PLCB1: variants seen among roughly 807,000 people sequenced by gnomAD.
PLCB1 encodes phospholipase C beta 1.
In PLCB1, 46 loss-of-function variants were observed where a neutral mutation model predicts 161.8. That is an observed-to-expected ratio of 0.28 (90% CI 0.22 to 0.36). The LOEUF is 0.36. PLCB1 is among the 10% of genes least tolerant of loss of function. The pLI is 1.00. For synonymous variants in PLCB1, 517 were observed against 503.7 expected, an observed-to-expected ratio of 1.03 and a Z score of -0.35; for missense variants, 1,016 against 1,472.5, an observed-to-expected ratio of 0.69 and a Z score of 5.07.
At chr20:8,181,248 C>CAAAAAAAAAAAAA (rs60871672) in intron 2 of PLCB1, among the ~76,000 whole-genome samples, 5 of 81,314 alleles carry the variant, frequency 6.1e-5, no homozygotes, top group East Asian at 4.7e-4. Context: ...GACTCTGTCT[C>CAAAAAAAAAAAAA]AAAAAAAAAA....
chr20:8,235,931 G>A (rs971677672), intron 2 of PLCB1, among the ~76,000 whole-genome samples: 1 of 151,948 alleles, frequency 6.6e-6, no homozygotes, highest in Non-Finnish European at 1.5e-5. Context: ...AAACTCTCAA[G>A]GCAATCCAAA....
intron 3 of PLCB1, among the ~76,000 whole-genome samples, chr20:8,595,637 A>C (rs1331576142): frequency 6.7e-6 from 1 of 149,764 alleles, no homozygotes; most frequent in Non-Finnish European, 1.5e-5. Flanking sequence ...GGCTGGGTCA[A>C]ATGGTATTTC....
At chr20:8,679,548 C>T (rs901534694) in intron 9 of PLCB1, among the ~76,000 whole-genome samples, 2 of 152,162 alleles carry the variant, frequency 1.3e-5, no homozygotes, top group Non-Finnish European at 2.9e-5. Context: ...GGTTTTAAAG[C>T]ATGATTTTAA....
intron 10 of PLCB1, 96 bp downstream of exon 10, chr20:8,685,174 C>G: frequency 8.2e-7 from 1 of 1,214,474 alleles, no homozygotes; most frequent in East Asian, 2.3e-5. Flanking sequence ...GTGTTTTCTT[C>G]CATTTCCTGC....
intron 2 of PLCB1, among the ~76,000 whole-genome samples, chr20:8,252,577 T>G (rs745780998): frequency 2.6e-5 from 4 of 152,078 alleles, no homozygotes; most frequent in Non-Finnish European, 4.4e-5. Context: ...ATTTCCATTT[T>G]ATTAAATAGT....
At chr20:8,630,697 A>C (rs1056529325) in intron 4 of PLCB1, among the ~76,000 whole-genome samples, 1 of 152,218 alleles carries the variant, frequency 6.6e-6, no homozygotes, top group African/African-American at 2.4e-5. Flanking sequence ...TCCTTTTATA[A>C]AAAGTGACCA....
intron 2 of PLCB1, among the ~76,000 whole-genome samples, chr20:8,305,312 C>A (rs1405207136): frequency 6.6e-6 from 1 of 152,160 alleles, no homozygotes; most frequent in Non-Finnish European, 1.5e-5. Flanking sequence ...AGAAGACCTT[C>A]TTTTGGTAAG....
At chr20:8,680,024 A>G (rs749585248) in intron 9 of PLCB1, among the ~76,000 whole-genome samples, 7 of 152,214 alleles carry the variant, frequency 4.6e-5, no homozygotes, top group Non-Finnish European at 1.0e-4. Flanking sequence ...CCTATAATTA[A>G]GGAATTTGTC....
At chr20:8,465,894 A>G (rs987462834) in intron 3 of PLCB1, among the ~76,000 whole-genome samples, 1 of 150,872 alleles carries the variant, frequency 6.6e-6, no homozygotes, top group African/African-American at 2.5e-5. Context: ...AACTAGTTCA[A>G]CCGTTGTGGA....
intron 23 of PLCB1, among the ~76,000 whole-genome samples, chr20:8,745,167 A>G (rs1479271157): frequency 1.3e-5 from 2 of 152,160 alleles, no homozygotes. Context: ...TTACAACTCA[A>G]GGAAAAAAAA....
rs148869110 is a variant in PLCB1, at chr20:8,608,148, A to G, written c.247-20146A>G. Among the ~76,000 whole-genome samples, 1,141 of 152,296 alleles carry G rather than the reference A, an allele frequency of 7.5e-3. 13 individuals are homozygous for G. Among genetic ancestry groups the G allele is most frequent in the African/African-American group, 0.026 (1,078 of 41,572 alleles). On this transcript the variant is annotated intron_variant, in intron 3 of 31. Transcript: ENST00000338037. Reference sequence around the variant, plus strand: ...CAAGTTGTGTACTTAAAATTAATGCATTCTGTGCTCTTTAATGCATGCATG... The same window carrying G: ...CAAGTTGTGTACTTAAAATTAATGCGTTCTGTGCTCTTTAATGCATGCATG...
At chr20:8,229,803 G>A (rs368191044) in intron 2 of PLCB1, among the ~76,000 whole-genome samples, 3 of 151,212 alleles carry the variant, frequency 2.0e-5, no homozygotes, top group African/African-American at 7.3e-5. Context: ...GGGGTGGGTC[G>A]CTTGAGCCCA....
intron 2 of PLCB1, among the ~76,000 whole-genome samples, chr20:8,360,277 G>GC (rs1258851693): frequency 6.6e-6 from 1 of 152,198 alleles, no homozygotes; most frequent in African/African-American, 2.4e-5. Context: ...GTCAAAGGCT[G>GC]CAAGTGTCAC....
At chr20:8,592,390 A>G (rs1023123897) in intron 3 of PLCB1, among the ~76,000 whole-genome samples, 53 of 152,346 alleles carry the variant, frequency 3.5e-4, no homozygotes, top group Admixed American at 2.4e-3. Context: ...GACATTTTCA[A>G]CAATATCTTT....
chr20:8,847,714 C>T, intron 31 of PLCB1, among the ~76,000 whole-genome samples: 1 of 152,204 alleles, frequency 6.6e-6, no homozygotes. Flanking sequence ...TCCCACAACA[C>T]TGTCCTCAGC....
At chr20:8,845,889 T>C (rs1395350842) in intron 31 of PLCB1, among the ~76,000 whole-genome samples, 2 of 152,204 alleles carry the variant, frequency 1.3e-5, no homozygotes, top group African/African-American at 4.8e-5. Context: ...GCGGACACAT[T>C]GGAAGATACA....
At chr20:8,333,006 C>T (rs1196962333) in intron 2 of PLCB1, among the ~76,000 whole-genome samples, 1 of 152,124 alleles carries the variant, frequency 6.6e-6, no homozygotes, top group Non-Finnish European at 1.5e-5. Flanking sequence ...AGGGTAATTG[C>T]TGGCAAAAGT....
intron 3 of PLCB1, among the ~76,000 whole-genome samples, chr20:8,520,554 A>G (rs1243495753): frequency 6.6e-6 from 1 of 152,134 alleles, no homozygotes; most frequent in Non-Finnish European, 1.5e-5. Context: ...AAATGCACAA[A>G]TGTTAAATGT....
At chr20:8,595,038 C>A (rs1987284938) in intron 3 of PLCB1, among the ~76,000 whole-genome samples, 1 of 152,076 alleles carries the variant, frequency 6.6e-6, no homozygotes, top group Non-Finnish European at 1.5e-5. Context: ...ACATATGCAT[C>A]TTAGGTGTAA....
Sources: allele counts gnomAD v4.1 joint callset (sites outside exome capture counted in the v4.1 genomes callset), GRCh38; gene constraint gnomAD v4.1.1; transcripts MANE v1.5; gene names NCBI Gene and HGNC (gene_info 2026-07-23, HGNC 2026-07-21).